Variants in RGS6 observed in about 807,000 individuals in gnomAD.
The protein encoded by RGS6 is regulator of G protein signaling 6, also known as regulator of G-protein signaling 6.
A neutral mutation model predicts 78.5 loss-of-function variants in RGS6; 30 were observed. The ratio of observed to expected loss-of-function variants is 0.38; its 90% CI spans 0.29 to 0.52. The LOEUF is 0.52. Ranked by LOEUF, RGS6 falls within the 20% of genes least tolerant of loss-of-function variation. RGS6 has a pLI of 0.85. For missense variants in RGS6, 495 were observed against 609.7 expected (o/e 0.81, Z 1.98); for synonymous variants, 206 against 206.0 (o/e 1.00, Z 0.00).
chr14:72,453,039 C>T (rs1176568148), intron 3 of RGS6, among the ~76,000 whole-genome samples: 4 of 152,134 alleles, frequency 2.6e-5, no homozygotes, highest in Non-Finnish European at 5.9e-5. Context: ...GCTGGTATGC[C>T]GCAGGACTGT....
chr14:72,569,190 GT>G (rs1245726014), downstream of RGS6, among the ~76,000 whole-genome samples: 12 of 151,876 alleles, frequency 7.9e-5, no homozygotes, highest in East Asian at 2.3e-3. Flanking sequence ...AAAATTCACC[GT>G]TTTATATTAC....
intron 3 of RGS6, among the ~76,000 whole-genome samples, chr14:72,383,304 A>G (rs887461143): frequency 6.6e-6 from 1 of 151,092 alleles, no homozygotes; most frequent in African/African-American, 2.4e-5. Flanking sequence ...ACGAGGTGGG[A>G]CTAAATGAAC....
Position 72,501,087 on chromosome 14 carries a change from C to G in RGS6, c.965+5825C>G, listed in dbSNP as rs59245863. Among the ~76,000 whole-genome samples, 600 of 152,124 alleles carry G rather than the reference C, an allele frequency of 3.9e-3. 3 individuals are homozygous for G. Among genetic ancestry groups the G allele is most frequent in the Middle Eastern group, 0.014 (4 of 294 alleles). ...GAATGCAGGACTCCCTTAGGAATTCCTGCCAATCTCAGGTGGGCTTTGGAC... is the reference window on the plus strand; with the variant it reads ...GAATGCAGGACTCCCTTAGGAATTCGTGCCAATCTCAGGTGGGCTTTGGAC... On this transcript the variant is annotated intron_variant, in intron 13 of 17. Transcript: ENST00000553525.
At chr14:72,085,379 G>A (rs2153483361) in intron 2 of RGS6, among the ~76,000 whole-genome samples, 1 of 152,328 alleles carries the variant, frequency 6.6e-6, no homozygotes, top group Non-Finnish European at 1.5e-5. Context: ...AAGTGATAAA[G>A]CAGAGGTATC....
intron 2 of RGS6, among the ~76,000 whole-genome samples, chr14:72,156,712 CAAGT>C (rs1302728080): frequency 1.6e-5 from 2 of 123,230 alleles, no homozygotes; most frequent in Non-Finnish European, 3.5e-5. Context: ...AGGAAACAAT[CAAGT>C]AAGGAAGTTG....
intron 3 of RGS6, among the ~76,000 whole-genome samples, chr14:72,404,480 T>A (rs1377115063): frequency 6.6e-6 from 1 of 152,204 alleles, no homozygotes; most frequent in African/African-American, 2.4e-5. Context: ...AAACCCCTGA[T>A]GCCACCTTCT....
intron 2 of RGS6, among the ~76,000 whole-genome samples, chr14:72,179,751 G>T (rs778622235): frequency 6.0e-5 from 9 of 149,522 alleles, no homozygotes; most frequent in Admixed American, 6.8e-5. Flanking sequence ...GATTCTCAAA[G>T]TGTGGTCCCA....
chr14:71,936,916 A>G (rs1293735794), intron 1 of RGS6, among the ~76,000 whole-genome samples: 2 of 152,200 alleles, frequency 1.3e-5, no homozygotes, highest in South Asian at 2.1e-4. Flanking sequence ...GCCTACAGCA[A>G]GCACCTCAGC....
intron 16 of RGS6, chr14:72,537,624 T>TG: frequency 1.4e-6 from 1 of 694,156 alleles, no homozygotes; most frequent in Non-Finnish European, 2.6e-6. Context: ...CCCTCATACA[T>TG]GGCTCTAATG....
At chr14:72,436,857 C>CAGAT (rs960779699) in intron 3 of RGS6, among the ~76,000 whole-genome samples, 1 of 152,162 alleles carries the variant, frequency 6.6e-6, no homozygotes, top group Non-Finnish European at 1.5e-5. Context: ...GTGTATTCAT[C>CAGAT]AGATGTTTAT....
intron 16 of RGS6, among the ~76,000 whole-genome samples, chr14:72,538,445 C>T (rs2097278665): frequency 6.6e-6 from 1 of 152,200 alleles, no homozygotes; most frequent in Non-Finnish European, 1.5e-5. Context: ...TGAGCTGAGT[C>T]CTGAGGGCTA....
At chr14:72,411,543 A>T (rs547391507) in intron 3 of RGS6, among the ~76,000 whole-genome samples, 2,238 of 152,092 alleles carry the variant, frequency 0.015, 17 homozygotes, top group Middle Eastern at 0.031. Context: ...CTTTTCCTAA[A>T]TGAATACCCT....
chr14:72,451,816 G>C (rs1349684880), intron 3 of RGS6, among the ~76,000 whole-genome samples: 1 of 152,022 alleles, frequency 6.6e-6, no homozygotes, highest in Non-Finnish European at 1.5e-5. Flanking sequence ...GTAGTGGCGC[G>C]ATCTCGGCTC....
intron 3 of RGS6, among the ~76,000 whole-genome samples, chr14:72,374,734 T>C (rs1239528173): frequency 6.6e-6 from 1 of 152,234 alleles, no homozygotes; most frequent in Non-Finnish European, 1.5e-5. Flanking sequence ...ATTGCAGACA[T>C]TGTAATTATA....
intron 2 of RGS6, among the ~76,000 whole-genome samples, chr14:72,347,759 T>C (rs1338300577): frequency 6.6e-6 from 1 of 152,208 alleles, no homozygotes; most frequent in Non-Finnish European, 1.5e-5. Flanking sequence ...ACGCTGTGTA[T>C]ATATGCCTCT....
intron 13 of RGS6, among the ~76,000 whole-genome samples, chr14:72,499,332 A>G (rs2096687917): frequency 6.6e-6 from 1 of 152,200 alleles, no homozygotes; most frequent in African/African-American, 2.4e-5. Flanking sequence ...GCCGGGAAAC[A>G]TCCCCCTTAA....
chr14:72,393,738 C>T (rs548754018), intron 3 of RGS6, among the ~76,000 whole-genome samples: 1 of 152,262 alleles, frequency 6.6e-6, no homozygotes, highest in South Asian at 2.1e-4. Flanking sequence ...TGGTCATTCG[C>T]CTACAGCCTT....
intron 2 of RGS6, among the ~76,000 whole-genome samples, chr14:72,167,827 T>G (rs1450024201): frequency 6.6e-6 from 1 of 152,160 alleles, no homozygotes; most frequent in Non-Finnish European, 1.5e-5. Flanking sequence ...TAATATTAAA[T>G]AGCTGGGGGT....
Position 72,557,210 on chromosome 14 carries a change from A to C in RGS6, c.1423-5207A>C, listed in dbSNP as rs576885265. 2.6e-5 allele frequency among the ~76,000 whole-genome samples: 4 copies of C among 151,610 alleles called. No individual in the cohort carries two copies. In the East Asian group the frequency reaches 7.8e-4, roughly 30 times the overall value. ...CACAGAGTTGAGTTAATAGAGGGTG[A>C]TAAGAAATAGAGAATTTAAAAAGTG... On this transcript the variant is annotated intron_variant, in intron 17 of 17. Transcript: ENST00000553525.
Sources: allele counts gnomAD v4.1 joint callset (sites outside exome capture counted in the v4.1 genomes callset), GRCh38; gene constraint gnomAD v4.1.1; transcripts MANE v1.5; gene names NCBI Gene and HGNC (gene_info 2026-07-23, HGNC 2026-07-21).